PPP1R1C: variants seen among roughly 807,000 people sequenced by gnomAD.
PPP1R1C encodes the protein protein phosphatase 1 regulatory inhibitor subunit 1C, also known as protein phosphatase 1 regulatory subunit 1C.
Under a neutral mutation model 17.4 loss-of-function variants are expected in PPP1R1C, and 15 were observed. That is an observed-to-expected ratio of 0.86 (90% CI 0.58 to 1.33). The LOEUF is 1.33. Among genes scored for constraint, PPP1R1C ranks in the 40% most tolerant of loss-of-function variants. The pLI is 0.00. For synonymous variants in PPP1R1C, 35 were observed against 43.1 expected (o/e 0.81, Z 0.73); for missense variants, 143 against 130.0 (o/e 1.10, Z -0.48).
At chr2:182,121,590 C>A (rs752994113), downstream of PPP1R1C, among the ~76,000 whole-genome samples, 1 of 152,166 alleles carries the variant, frequency 6.6e-6, no homozygotes, top group African/African-American at 2.4e-5. Flanking sequence ...CGGGTTCAAG[C>A]GATTCCCCTG....
intron 2 of PPP1R1C, among the ~76,000 whole-genome samples, chr2:181,977,946 G>A (rs558710542): frequency 1.3e-5 from 2 of 152,152 alleles, no homozygotes; most frequent in Non-Finnish European, 2.9e-5. Context: ...GTATTAGTCT[G>A]TTTTCATGCT....
chr2:182,067,977 G>A (rs866191547), intron 4 of PPP1R1C, among the ~76,000 whole-genome samples: 7 of 152,016 alleles, frequency 4.6e-5, no homozygotes, highest in African/African-American at 1.7e-4. Flanking sequence ...TACTGAACCG[G>A]TATTCTTTTG....
chr2:182,126,780 A>G lies in PPP1R1C; in HGVS notation c.*7-2194A>G, dbSNP rs532187594. Among the ~76,000 whole-genome samples the G allele has an allele frequency of 1.2e-4, 19 of 152,142 alleles. 1 individual carries two copies. In the South Asian group the frequency reaches 3.9e-3, roughly 31 times the overall value. ...AGCCACTTCCCCTACTGAATATAATAATATATTTCATGCAGGCAATGGAGA... is the reference window on the plus strand; with the variant it reads ...AGCCACTTCCCCTACTGAATATAATGATATATTTCATGCAGGCAATGGAGA... On this transcript the variant is annotated intron_variant, in intron 5 of 5. Coordinates refer to the PPP1R1C transcript ENST00000280295.
intron 2 of PPP1R1C, among the ~76,000 whole-genome samples, chr2:181,994,443 T>C (rs79798517): frequency 6.6e-6 from 1 of 152,298 alleles, no homozygotes; most frequent in East Asian, 1.9e-4. Flanking sequence ...TAACCTTTCT[T>C]TATTTATTGA....
At chr2:181,964,648 G>GA (rs1287669054) in intron 1 of PPP1R1C, among the ~76,000 whole-genome samples, 9 of 151,838 alleles carry the variant, frequency 5.9e-5, no homozygotes, top group East Asian at 3.9e-4. Flanking sequence ...CTGTCTTTTG[G>GA]AAAAAAAGCC....
chr2:182,066,204 A>T (rs889019788), intron 4 of PPP1R1C, among the ~76,000 whole-genome samples: 33 of 152,118 alleles, frequency 2.2e-4, no homozygotes, highest in African/African-American at 7.2e-4. Flanking sequence ...TTTCCATATT[A>T]TTCACCATGT....
intron 4 of PPP1R1C, among the ~76,000 whole-genome samples, chr2:182,090,583 G>A (rs1310031505): frequency 2.6e-5 from 4 of 152,006 alleles, no homozygotes; most frequent in Admixed American, 2.6e-4. Flanking sequence ...TTTAAATGCT[G>A]TGCTTAATAT....
intron 4 of PPP1R1C, among the ~76,000 whole-genome samples, chr2:182,114,524 G>C (rs1260731431): frequency 6.6e-6 from 1 of 152,144 alleles, no homozygotes; most frequent in Non-Finnish European, 1.5e-5. Flanking sequence ...CAGCATTATT[G>C]CATCTATAAT....
chr2:182,051,631 A>G (rs1001003609), intron 2 of PPP1R1C, among the ~76,000 whole-genome samples: 2 of 151,248 alleles, frequency 1.3e-5, no homozygotes, highest in African/African-American at 4.9e-5. Context: ...CAGCTGTGCT[A>G]GGTGAGTCCC....
At chr2:182,075,200 A>G (rs1455126764) in intron 4 of PPP1R1C, among the ~76,000 whole-genome samples, 1 of 152,148 alleles carries the variant, frequency 6.6e-6, no homozygotes, top group Non-Finnish European at 1.5e-5. Flanking sequence ...ATTCTTTTTT[A>G]TGTATAAATT....
At position 181,976,826 on chromosome 2, in the gene PPP1R1C, G is replaced by T. The variant is rs1237677731; in HGVS notation, n.157+1562G>T. ...AGGAGGCTTTCTTTTAACTGTCAAG[G>T]TGTTTTTTAAAGAACTTGCCTAAAT... On this transcript the variant is annotated intron_variant and non_coding_transcript_variant, in intron 2 of 5. Transcript: ENST00000464264. This position sits in a 1 kb window ranked among gnomAD's most constrained non-coding sequence, Gnocchi z 4.8. Among the ~76,000 whole-genome samples the T allele has an allele frequency of 6.6e-6, 1 of 151,980 alleles. No individual in the cohort carries two copies. Among genetic ancestry groups the T allele is most frequent in the Non-Finnish European group, 1.5e-5 (1 of 67,982 alleles).
chr2:181,976,149 AT>A lies in PPP1R1C; in HGVS notation n.157+886del, dbSNP rs2125135322. On this transcript the variant is annotated intron_variant and non_coding_transcript_variant, in intron 2 of 5. Coordinates refer to the PPP1R1C transcript ENST00000464264. This position sits in a 1 kb window ranked among gnomAD's most constrained non-coding sequence, Gnocchi z 4.8. ...ACCATCCAGAGACAACCCCATTAACATCTCAGAATATATTCTTCCAAACATT... is the reference window on the plus strand; with the variant it reads ...ACCATCCAGAGACAACCCCATTAACACTCAGAATATATTCTTCCAAACATT... 6.6e-6 allele frequency among the ~76,000 whole-genome samples: 1 copy of A among 152,208 alleles called. No individual in the cohort carries two copies. The highest frequency in any genetic ancestry group is 2.1e-4 in the South Asian group (1 of 4,824).
rs920270391 is a variant in PPP1R1C at position 182,030,504 on chromosome 2, T to A, written c.143-30938T>A. The stretch of plus-strand genomic sequence containing the variant: ...ATGTCAGTGTGCCCCTGCTGGGGGG[T>A]GCCTCCCAGTTAGGCTGCTCGGGGG... On this transcript the variant is annotated intron_variant, in intron 2 of 4. Transcript: ENST00000682840. 2.0e-5 allele frequency among the ~76,000 whole-genome samples: 3 copies of A among 149,924 alleles called. No individual in the cohort carries two copies. The East Asian group carries it at 5.9e-4, about 29-fold the overall frequency.
intron 2 of PPP1R1C, among the ~76,000 whole-genome samples, chr2:182,023,407 A>G (rs1686489935): frequency 6.6e-6 from 1 of 152,142 alleles, no homozygotes; most frequent in Non-Finnish European, 1.5e-5. Flanking sequence ...GGGAAAAGAC[A>G]TGGAAACAAC....
At chr2:182,129,031 G>A (rs767306767) in exon 6 of PPP1R1C, 5 of 152,008 alleles carry the variant, frequency 3.3e-5, no homozygotes, top group Non-Finnish European at 7.4e-5. Flanking sequence ...GCTTCTACTC[G>A]AGCTTGGAAA....
intron 2 of PPP1R1C, among the ~76,000 whole-genome samples, chr2:182,037,170 A>G (rs1036199443): frequency 6.6e-6 from 1 of 152,234 alleles, no homozygotes; most frequent in Non-Finnish European, 1.5e-5. Context: ...ATTAAAAACA[A>G]AAACAAACAA....
chr2:181,958,121 A>G (rs1439720691), intron 1 of PPP1R1C, among the ~76,000 whole-genome samples: 1 of 152,238 alleles, frequency 6.6e-6, no homozygotes, highest in Non-Finnish European at 1.5e-5. Flanking sequence ...AGATATGCTA[A>G]GGAAGCGCTC....
At chr2:182,120,850 A>T (rs1373199902), downstream of PPP1R1C, among the ~76,000 whole-genome samples, 2 of 142,440 alleles carry the variant, frequency 1.4e-5, no homozygotes, top group African/African-American at 6.0e-5. Flanking sequence ...CTCCATTCCT[A>T]AAAAAAAACA....
intron 2 of PPP1R1C, among the ~76,000 whole-genome samples, chr2:182,050,829 A>G (rs1023277928): frequency 1.3e-5 from 2 of 152,218 alleles, no homozygotes; most frequent in Admixed American, 6.5e-5. Flanking sequence ...TTTCCACTTC[A>G]TTTATTAATC....
Sources: gnomAD v4.1 joint callset for allele counts (sites outside exome capture counted in the v4.1 genomes callset) on GRCh38, gnomAD v4.1.1 for gene constraint, Gnocchi (gnomAD v3.1) non-coding constraint, MANE v1.5 for transcripts, NCBI Gene and HGNC (gene_info 2026-07-23, HGNC 2026-07-21) for gene names.